The following BRIX1 variants were observed in gnomAD, a reference collection of about 807,000 sequenced individuals.
BRIX1 encodes the protein ribosome biogenesis protein BRX1 homolog.
A neutral mutation model predicts 44.0 loss-of-function variants in BRIX1; 15 were observed. That is an observed-to-expected ratio of 0.34 (90% CI 0.23 to 0.53). BRIX1 has a LOEUF of 0.53. Among genes scored for constraint, BRIX1 ranks in the 20% least tolerant of loss-of-function variants. The pLI is 0.95. For missense variants in BRIX1, 420 were observed against 432.8 expected (o/e 0.97, Z 0.26); for synonymous variants, 149 against 135.4 (o/e 1.10, Z -0.70).
Position 34,923,191 on chromosome 5 carries a change from C to A in BRIX1, c.620C>A (p.Thr207Asn). Residue 207 changes from threonine to asparagine, a missense_variant, in exon 8 of 10, where the codon ACT becomes AAT. Transcript: ENST00000336767. Reference protein sequence around the residue: ...KSQPFVDHVFTFTILDNRIWF... With the variant: ...KSQPFVDHVFNFTILDNRIWF... The stretch of plus-strand genomic sequence containing the variant: ...CAACCATTTGTGGACCACGTGTTTA[C>A]TTTCACCATTTTGGATAATAGGATA... 1 of 1,614,106 alleles carries A rather than the reference C, an allele frequency of 6.2e-7. No individual in the cohort carries two copies. Among genetic ancestry groups the A allele is most frequent in the Non-Finnish European group, 8.5e-7 (1 of 1,179,942 alleles).
chr5:34,918,089 G>T (rs955591043), intron 1 of BRIX1: 6 of 216,494 alleles, frequency 2.8e-5, no homozygotes, highest in Non-Finnish European at 5.3e-5. Context: ...AGCCACTTGA[G>T]CCCAGGTGTT....
chr5:34,919,225 G>A (rs548069547), intron 2 of BRIX1, among the ~76,000 whole-genome samples: 6 of 144,640 alleles, frequency 4.1e-5, no homozygotes, highest in Admixed American at 2.9e-4. Context: ...GTCATGAGCC[G>A]TGATTGCGCC....
chr5:34,918,160 AC>A, intron 1 of BRIX1: 60 of 351,426 alleles, frequency 1.7e-4, no homozygotes, highest in Middle Eastern at 7.9e-4. Flanking sequence ...AAAAAAAAAA[AC>A]TAGCTGGACA....
rs201939948 is a variant in BRIX1, at chr5:34,922,767, C to T, written c.509C>T (p.Pro170Leu). Residue 170 changes from proline (P) to leucine (L), a missense_variant and splice_region_variant, in exon 6 of 10, where the codon CCT becomes CTT. Coordinates refer to ENST00000336767, the MANE Select transcript of BRIX1 (RefSeq NM_018321.4). ...KGSRPLLSFD[P>L]AFDELPHYAL... ...TCTCGGCCCCTTTTGTCTTTTGACC[C>T]TGTAAGTTTCTCATTCAGTGTATGA... The T allele has an allele frequency of 1.2e-6, 2 of 1,613,282 alleles. No individual in the cohort carries two copies. Among genetic ancestry groups the T allele is most frequent in the African/African-American group, 2.7e-5 (2 of 74,878 alleles).
intron 2 of BRIX1, chr5:34,918,817 C>CTTTTTTTTT (rs34618448): frequency 1.5e-5 from 2 of 132,334 alleles, no homozygotes; most frequent in Non-Finnish European, 1.6e-5. Flanking sequence ...CTTTTTGGGC[C>CTTTTTTTTT]TTTTTTTTTT....
chr5:34,918,232 T>A, intron 1 of BRIX1, 132 bp from the exon 2 acceptor site: 1 of 521,520 alleles, frequency 1.9e-6, no homozygotes, highest in African/African-American at 2.0e-5. Flanking sequence ...GATCACTTAC[T>A]TGAGCCCAGG....
chr5:34,919,485 A>C (rs1764194323), intron 2 of BRIX1, among the ~76,000 whole-genome samples: 3 of 152,166 alleles, frequency 2.0e-5, no homozygotes, highest in Admixed American at 1.3e-4. Flanking sequence ...ACCTAAGATT[A>C]AAAAGTGAAA....
chr5:34,922,465 A>G (rs1013554506), intron 4 of BRIX1, 74 bp from the exon 5 acceptor site: 3 of 995,876 alleles, frequency 3.0e-6, no homozygotes, highest in Non-Finnish European at 4.7e-6. Context: ...TAAGCATATT[A>G]TTTATGGTGA....
chr5:34,925,542 G>T lies in BRIX1; in HGVS notation c.*47G>T, dbSNP rs1764360032. 1.3e-6 allele frequency: 2 copies of T among 1,508,362 alleles called. No homozygotes were observed. The highest frequency in any genetic ancestry group is 1.9e-5 in the Admixed American group (1 of 51,288). 93.4% of individuals were successfully genotyped at this position (1,508,362 alleles called of 1,614,324 possible). ...TTTTCAGTTACTTTATATTTATTTT[G>T]TATTCAATGTGTAAATACTTTTATT... On this transcript the variant is annotated 3_prime_UTR_variant, in exon 10 of 10. Coordinates refer to ENST00000336767, the MANE Select transcript of BRIX1 (RefSeq NM_018321.4).
chr5:34,920,813 G>A (rs138349551), intron 3 of BRIX1: 14 of 152,010 alleles, frequency 9.2e-5, no homozygotes, highest in Non-Finnish European at 2.1e-4. Flanking sequence ...TCTAAGACCA[G>A]TAAGAAACAA....
rs567028186 is a variant in BRIX1 at position 34,918,253 on chromosome 5, T to C, written c.160-111T>C. The C allele has an allele frequency of 3.8e-3, 2,071 of 543,926 alleles. 6 individuals carry two copies. The highest frequency in any genetic ancestry group is 5.4e-3 in the Non-Finnish European group (1,634 of 304,396). 33.7% of individuals were successfully genotyped at this position (543,926 alleles called of 1,614,324 possible). ...TTACTTGAGCCCAGGAACTTGAAAC[T>C]GCAGTGAGCCGTGAGCACTTCAGCC... On this transcript the variant is annotated intron_variant, in intron 1 of 9. Coordinates refer to ENST00000336767, the MANE Select transcript of BRIX1 (RefSeq NM_018321.4).
rs370882207 is a variant in BRIX1 at position 34,924,929 on chromosome 5, G to A, written c.746G>A (p.Gly249Glu). The change falls in exon 9 of 10, where the codon GGA (glycine) becomes GAA (glutamate). Residue 249 changes from glycine (G) to glutamate (E), a missense_variant. By Grantham distance (98) the Gly-to-Glu change is moderately conservative. Coordinates refer to ENST00000336767, the MANE Select transcript of BRIX1 (RefSeq NM_018321.4). ...NLIKIFQGSF[G>E]GPTLYENPHY... is the part of the protein sequence containing the mutation. ...ATAAAGATTTTCCAGGGAAGTTTTG[G>A]AGGACCAACTTTATATGAAAATCCT... The A allele has an allele frequency of 8.9e-5, 144 of 1,613,450 alleles. No homozygotes were observed. The highest frequency in any genetic ancestry group is 1.2e-4 in the Non-Finnish European group (143 of 1,179,742).
chr5:34,919,997 C>G, intron 3 of BRIX1, 114 bp downstream of exon 3: 1 of 523,722 alleles, frequency 1.9e-6, no homozygotes, highest in Non-Finnish European at 3.5e-6. Context: ...TATTCAGACA[C>G]ATTTTATTAA....
intron 6 of BRIX1, 43 bp from the exon 7 acceptor site, chr5:34,922,958 A>C: frequency 7.4e-7 from 1 of 1,351,566 alleles, no homozygotes; most frequent in Non-Finnish European, 1.0e-6. Flanking sequence ...GTTTTAAACA[A>C]GGCAGTCTAC....
Position 34,918,549 on chromosome 5 carries a change from A to G in BRIX1, c.271+74A>G, listed in dbSNP as rs41270655. On this transcript the variant is annotated intron_variant, in intron 2 of 9. Transcript: ENST00000336767. ...ATTTTTATGTTTTCACTTATTTTAT[A>G]TATTCTTCATTTGTTCAGTGTTCTC... 4.4e-4 allele frequency: 379 copies of G among 852,572 alleles called. 1 individual carries two copies. The African/African-American group carries it at 6.1e-3, about 14-fold the overall frequency. 52.8% of individuals were successfully genotyped at this position (852,572 alleles called of 1,614,324 possible).
At chr5:34,922,893 T>G in intron 6 of BRIX1, 108 bp from the exon 7 acceptor site, 1 of 1,218,268 alleles carries the variant, frequency 8.2e-7, no homozygotes. Flanking sequence ...ATCAATTCTT[T>G]CAGGTACATT....
At chr5:34,919,661 AAG>A (rs1764198923) in intron 2 of BRIX1, among the ~76,000 whole-genome samples, 177 bp from the exon 3 acceptor site, 2 of 152,288 alleles carry the variant, frequency 1.3e-5, no homozygotes, top group South Asian at 4.1e-4. Flanking sequence ...TACATTTACA[AAG>A]AGTCAAGATT....
chr5:34,924,399 A>T (rs1225190865), intron 8 of BRIX1, among the ~76,000 whole-genome samples: 3 of 152,224 alleles, frequency 2.0e-5, no homozygotes, highest in Non-Finnish European at 4.4e-5. Flanking sequence ...TTAATTCCAT[A>T]ATCAGTAGCT....
At chr5:34,919,719 A>G (rs1192020740) in intron 2 of BRIX1, 121 bp from the exon 3 acceptor site, 2 of 373,498 alleles carry the variant, frequency 5.4e-6, no homozygotes, top group Non-Finnish European at 1.0e-5. Flanking sequence ...TAGTAATAAA[A>G]TCTCCTTTAA....
Sources: allele counts gnomAD v4.1 joint callset (sites outside exome capture counted in the v4.1 genomes callset), GRCh38; gene constraint gnomAD v4.1.1; transcripts MANE v1.5; gene names NCBI Gene and HGNC (gene_info 2026-07-23, HGNC 2026-07-21).